PCDH11X: variants seen among roughly 807,000 people sequenced by gnomAD.
The protein encoded by PCDH11X is protocadherin 11 X-linked.
In PCDH11X, 18 loss-of-function variants were observed where a neutral mutation model predicts 53.3. The observed-to-expected ratio is 0.34, with a 90% confidence interval of 0.23 to 0.50. The LOEUF (loss-of-function observed/expected upper bound fraction) is 0.50. Among genes scored for constraint, PCDH11X ranks in the 20% least tolerant of loss-of-function variants. The probability of loss-of-function intolerance (pLI) is 0.98; values close to 1 mark genes in which losing one functional copy is unlikely to be tolerated. For synonymous variants in PCDH11X, 279 were observed against 393.3 expected (o/e 0.71, Z 3.44); for missense variants, 570 against 1,032.4 (o/e 0.55, Z 6.14).
chrX:91,966,253 C>A (rs775632329), intron 6 of PCDH11X, among the ~76,000 whole-genome samples: 115 of 109,748 alleles, frequency 1.0e-3, no homozygotes, highest in African/African-American at 3.5e-3. Flanking sequence ...GGATCAATAT[C>A]TATGTTTACC....
chrX:92,352,307 C>A, intron 8 of PCDH11X, among the ~76,000 whole-genome samples: 1 of 111,706 alleles, frequency 9.0e-6, no homozygotes, highest in East Asian at 2.8e-4. Context: ...AACTTAGTTG[C>A]TATTCCTTCA....
In PCDH11X at chrX:91,928,235, A is replaced by G. The variant is rs757665997; in HGVS notation, c.3033+48962A>G. Among the ~76,000 whole-genome samples, 5 of 109,198 alleles carry G rather than the reference A, an allele frequency of 4.6e-5. No homozygotes were observed. The South Asian group carries it at 1.6e-3, about 35-fold the overall frequency. 94.8% of individuals were successfully genotyped at this position (109,198 alleles called of 115,157 possible). A position where few individuals can be genotyped will look rare whatever the true frequency, so the allele number is the denominator to read the frequency against. Reference sequence around the variant, plus strand: ...GCTACTTATTTTGGGGTTTTGTAAAATGAACAACCTAATCAAACGTGGCTC... The same window carrying G: ...GCTACTTATTTTGGGGTTTTGTAAAGTGAACAACCTAATCAAACGTGGCTC... On this transcript the variant is annotated intron_variant, in intron 6 of 10. Transcript: ENST00000682573.
intron 6 of PCDH11X, among the ~76,000 whole-genome samples, chrX:92,138,071 A>C: frequency 1.0e-5 from 1 of 97,287 alleles, no homozygotes; most frequent in Non-Finnish European, 2.1e-5. Context: ...ATGTGTTCTC[A>C]CTGTTCAGCT....
chrX:92,339,952 T>C (rs1388836074), intron 8 of PCDH11X, among the ~76,000 whole-genome samples: 5 of 111,435 alleles, frequency 4.5e-5, no homozygotes, highest in Non-Finnish European at 9.4e-5. Context: ...CATCTGGAGA[T>C]GAGTTTCTTC....
chrX:91,880,847 G>A (rs1273886378), intron 6 of PCDH11X, among the ~76,000 whole-genome samples: 1 of 109,039 alleles, frequency 9.2e-6, no homozygotes, highest in Non-Finnish European at 1.9e-5. Context: ...CATTAAAAAG[G>A]GCACTCTCAT....
chrX:92,232,385 C>T (rs1182800496), intron 7 of PCDH11X, among the ~76,000 whole-genome samples: 1 of 111,712 alleles, frequency 9.0e-6, no homozygotes, highest in Non-Finnish European at 1.9e-5. Context: ...CTAGATGGTG[C>T]ACTCTGCAAC....
At chrX:92,341,712 C>T (rs2069764489) in intron 8 of PCDH11X, among the ~76,000 whole-genome samples, 2 of 110,955 alleles carry the variant, frequency 1.8e-5, no homozygotes, top group South Asian at 3.8e-4. Context: ...GTGAGTCGTC[C>T]GACTCCATGA....
intron 10 of PCDH11X, among the ~76,000 whole-genome samples, chrX:92,571,870 A>G (rs1330992963): frequency 1.8e-5 from 2 of 112,210 alleles, no homozygotes; most frequent in Non-Finnish European, 1.9e-5. Flanking sequence ...TAAATGGCAA[A>G]TGTTGGATGG....
At chrX:92,249,703 C>T (rs1410475295) in intron 7 of PCDH11X, among the ~76,000 whole-genome samples, 1 of 111,823 alleles carries the variant, frequency 8.9e-6, no homozygotes, top group African/African-American at 3.3e-5. Context: ...ATATTTTGTC[C>T]CTGTTAAGCT....
chrX:92,132,675 G>GTA (rs1375197121), intron 6 of PCDH11X, among the ~76,000 whole-genome samples: 9 of 49,484 alleles, frequency 1.8e-4, no homozygotes, highest in African/African-American at 9.7e-4. Context: ...ATATGTATAT[G>GTA]TATATATATA....
chrX:92,090,576 C>T (rs369981665), intron 6 of PCDH11X, among the ~76,000 whole-genome samples: 95 of 111,155 alleles, frequency 8.5e-4, no homozygotes, highest in African/African-American at 2.9e-3. Context: ...GAAATAGTTA[C>T]GTGAAGGAGG....
chrX:92,334,883 C>T (rs1034918187), intron 8 of PCDH11X, among the ~76,000 whole-genome samples: 49 of 109,681 alleles, frequency 4.5e-4, no homozygotes, highest in Non-Finnish European at 9.1e-4. Context: ...ATGATTTAAT[C>T]GACTGTTTAT....
chrX:92,377,675 C>T (rs2148560660), intron 8 of PCDH11X, among the ~76,000 whole-genome samples: 1 of 100,366 alleles, frequency 1.0e-5, no homozygotes, highest in South Asian at 5.0e-4. Flanking sequence ...TGTGAAGCTC[C>T]CCCATCCCAC....
chrX:91,986,236 T>G (rs1192665418), intron 6 of PCDH11X, among the ~76,000 whole-genome samples: 1 of 111,010 alleles, frequency 9.0e-6, no homozygotes, highest in Admixed American at 9.6e-5. Flanking sequence ...TTTTCAATTA[T>G]ACCCACTAAA....
intron 10 of PCDH11X, among the ~76,000 whole-genome samples, chrX:92,614,389 A>G (rs750642277): frequency 6.7e-5 from 7 of 105,062 alleles, no homozygotes; most frequent in Non-Finnish European, 9.8e-5. Flanking sequence ...GACTGTAGTG[A>G]ATGCTGGGTA....
rs1161165757 is a variant in PCDH11X at position 92,102,519 on chromosome X, A to T, written c.3034-98856A>T. On this transcript the variant is annotated intron_variant, in intron 6 of 10. Transcript: ENST00000682573. The stretch of plus-strand genomic sequence containing the variant: ...ATCGGACACGATCAGCAGGGAAAGC[A>T]TGTGTGTTTTTAGGAGAATTATGCC... Among the ~76,000 whole-genome samples the T allele has an allele frequency of 3.6e-5, 4 of 111,456 alleles. No individual in the cohort carries two copies. In the East Asian group the frequency reaches 1.1e-3, roughly 32 times the overall value.
chrX:92,124,406 G>A (rs1054871512), intron 6 of PCDH11X, among the ~76,000 whole-genome samples: 4 of 110,024 alleles, frequency 3.6e-5, no homozygotes, highest in Middle Eastern at 4.6e-3. Flanking sequence ...TTAGCTGGAC[G>A]TGGTGGTGCA....
At chrX:92,213,016 CT>C (rs1421153732) in intron 7 of PCDH11X, among the ~76,000 whole-genome samples, 1 of 111,938 alleles carries the variant, frequency 8.9e-6, no homozygotes, top group Non-Finnish European at 1.9e-5. Flanking sequence ...AAAGCTTAAT[CT>C]GGGAACTTTT....
chrX:92,102,306 A>G (rs1203052095), intron 6 of PCDH11X, among the ~76,000 whole-genome samples: 1 of 111,682 alleles, frequency 9.0e-6, no homozygotes, highest in Non-Finnish European at 1.9e-5. Context: ...GGCCTCTAAA[A>G]GTATTAAAGC....
Sources: allele counts gnomAD v4.1 joint callset (sites outside exome capture counted in the v4.1 genomes callset), GRCh38; gene constraint gnomAD v4.1.1; transcripts MANE v1.5; gene names NCBI Gene and HGNC (gene_info 2026-07-23, HGNC 2026-07-21).